GRAP: variants seen among roughly 807,000 people sequenced by gnomAD.
GRAP encodes the protein GRB2 related adaptor protein.
GRAP carries 2 observed loss-of-function variants against 9.1 expected under a neutral mutation model. The observed-to-expected ratio is 0.22, with a 90% CI of 0.09 to 0.69. The LOEUF (loss-of-function observed/expected upper bound fraction) is 0.69. GRAP is among the 30% of genes least tolerant of loss of function. The pLI, the probability that GRAP is intolerant of heterozygous loss-of-function variation, is 0.81. For synonymous variants in GRAP, 68 were observed against 73.6 expected (o/e 0.92, Z 0.39); for missense variants, 113 against 179.4 (o/e 0.63, Z 2.12).
intron 2 of GRAP, among the ~76,000 whole-genome samples, chr17:19,037,701 CG>C (rs1459043927): frequency 1.9e-5 from 1 of 52,912 alleles, no homozygotes; most frequent in Non-Finnish European, 2.6e-5. Flanking sequence ...CCTCATCAGA[CG>C]TGAATTTGCC....
In GRAP at chr17:19,021,986, C is replaced by A; in HGVS notation, c.627G>T (p.Arg209=). 3 of 1,581,094 alleles carry A rather than the reference C, an allele frequency of 1.9e-6. No individual in the cohort carries two copies. In the South Asian group the frequency reaches 3.5e-5, roughly 18 times the overall value. The part of the protein sequence containing the change: ...RSCGRVGFFP[R]SYVQPVHL ...ACAGGTGCACGGGCTGCACGTAACTCCGTGGGAAGAAGCCAACGCGCCCGC... is the reference window on the plus strand; with the variant it reads ...ACAGGTGCACGGGCTGCACGTAACTACGTGGGAAGAAGCCAACGCGCCCGC... The change falls in exon 5 of 5, where the codon CGG becomes CGT. Residue 209 remains arginine (R), a synonymous_variant. Transcript: ENST00000284154. The surrounding 1 kb of genome is among the most constrained non-coding windows in gnomAD (Gnocchi z 4.1).
At position 19,024,705 on chromosome 17, in the gene GRAP, T is replaced by G. The variant is rs540067427; in HGVS notation, c.300-322A>C. On this transcript the variant is annotated intron_variant, in intron 3 of 4. Transcript: ENST00000284154. The surrounding 1 kb of genome is among the most constrained non-coding windows in gnomAD (Gnocchi z 4.2). ...TGATAACATCTCCGTTATGGATAAGTGCACAGTGACTGGCATATTGGCAAC... is the reference window on the plus strand; with the variant it reads ...TGATAACATCTCCGTTATGGATAAGGGCACAGTGACTGGCATATTGGCAAC... Among the ~76,000 whole-genome samples, 2 of 152,186 alleles carry G rather than the reference T, an allele frequency of 1.3e-5. No individual in the cohort carries two copies. The highest frequency in any genetic ancestry group is 2.4e-5 in the African/African-American group (1 of 41,454).
rs565247493 is a variant in GRAP, at chr17:19,024,083, G to A, written c.468+132C>T. On this transcript the variant is annotated intron_variant, in intron 4 of 4. Transcript: ENST00000284154. This position sits in a 1 kb window ranked among gnomAD's most constrained non-coding sequence, Gnocchi z 4.2. ...TATAACTTCGAAGCCTGGGCTGGAC[G>A]CCTCTTGCAATACCAGGCTGCTGGG... The A allele has an allele frequency of 4.2e-3, 3,608 of 850,986 alleles. 15 individuals carry two copies. Among genetic ancestry groups the A allele is most frequent in the Non-Finnish European group, 4.6e-3 (2,495 of 543,556 alleles). 52.7% of individuals were successfully genotyped at this position (850,986 alleles called of 1,614,324 possible). A position where few individuals can be genotyped will look rare whatever the true frequency, so the allele number is the denominator to read the frequency against.
intron 1 of GRAP, among the ~76,000 whole-genome samples, chr17:19,043,553 C>T (rs1398545479): frequency 1.1e-4 from 16 of 152,316 alleles, no homozygotes; most frequent in Non-Finnish European, 2.2e-4. Flanking sequence ...CACTTGAACC[C>T]GGGAGCTGGA....
rs2044270366 is a variant in GRAP at position 19,021,925 on chromosome 17, A to G, written c.*34T>C. Reference sequence around the variant, plus strand: ...CCTCTCTGGACCTCAGTTCCTGTAAAAAGGCCCGTTGGCCAGATCGGCCGC... The same window carrying G: ...CCTCTCTGGACCTCAGTTCCTGTAAGAAGGCCCGTTGGCCAGATCGGCCGC... On this transcript the variant is annotated 3_prime_UTR_variant, in exon 5 of 5. Coordinates refer to ENST00000284154, the MANE Select transcript of GRAP (RefSeq NM_006613.4). The surrounding 1 kb of genome is among the most constrained non-coding windows in gnomAD (Gnocchi z 4.1). 1 of 1,465,386 alleles carries G rather than the reference A, an allele frequency of 6.8e-7. No homozygotes were observed. Among genetic ancestry groups the G allele is most frequent in the Non-Finnish European group, 9.0e-7 (1 of 1,108,736 alleles). 90.8% of individuals were successfully genotyped at this position (1,465,386 alleles called of 1,614,324 possible). A position where few individuals can be genotyped will look rare whatever the true frequency, so the allele number is the denominator to read the frequency against.
chr17:19,021,673 G>T lies in GRAP; in HGVS notation c.*286C>A, dbSNP rs188114963. On this transcript the variant is annotated 3_prime_UTR_variant, in exon 5 of 5. Coordinates refer to ENST00000284154, the MANE Select transcript of GRAP (RefSeq NM_006613.4). This position sits in a 1 kb window ranked among gnomAD's most constrained non-coding sequence, Gnocchi z 4.1. Reference sequence around the variant, plus strand: ...CAGATGGGGCCATTGACAAGAGGAGGTGGGCGGGGCCTCCACAGACTCCGC... The same window carrying T: ...CAGATGGGGCCATTGACAAGAGGAGTTGGGCGGGGCCTCCACAGACTCCGC... The T allele has an allele frequency of 8.0e-5, 32 of 398,088 alleles. No individual in the cohort carries two copies. Among genetic ancestry groups the T allele is most frequent in the African/African-American group, 5.7e-4 (28 of 48,742 alleles). The allele number at this position is 398,088 out of a possible 1,614,324, so 24.7% of individuals were successfully genotyped here.
intron 3 of GRAP, among the ~76,000 whole-genome samples, chr17:19,025,396 C>G (rs1186640793): frequency 1.4e-5 from 2 of 145,994 alleles, no homozygotes; most frequent in South Asian, 2.3e-4. Flanking sequence ...GTTTCACCAT[C>G]TTGGCCAGGA....
At position 19,020,723 on chromosome 17, in the gene GRAP, C is replaced by T; in HGVS notation, c.*1236G>A. 1 of 420,396 alleles carries T rather than the reference C, an allele frequency of 2.4e-6. No homozygotes were observed. The highest frequency in any genetic ancestry group is 2.4e-5 in the South Asian group (1 of 42,530). The allele number at this position is 420,396 out of a possible 1,614,324, so 26.0% of individuals were successfully genotyped here. ...TTTTACTGTTTTCGTTTTGAATACA[C>T]AGGCTGGGTCAGGAGCAGTGAGATT... On this transcript the variant is annotated 3_prime_UTR_variant, in exon 5 of 5. Coordinates refer to ENST00000284154, the MANE Select transcript of GRAP (RefSeq NM_006613.4).
intron 3 of GRAP, among the ~76,000 whole-genome samples, chr17:19,025,131 C>T (rs1010638948): frequency 8.6e-5 from 13 of 151,978 alleles, no homozygotes; most frequent in Non-Finnish European, 1.5e-4. Flanking sequence ...ACCGCCAAAT[C>T]GCCCCGAGTA....
Position 19,024,426 on chromosome 17 carries a change from C to T in GRAP, c.300-43G>A, listed in dbSNP as rs1414660182. ...GGGCCACCTCAGGTGGTGGCCGTCC[C>T]AGCCTGGCATGGTCCCAGGGGCTCC... On this transcript the variant is annotated intron_variant, in intron 3 of 4. Transcript: ENST00000284154. The surrounding 1 kb of genome is among the most constrained non-coding windows in gnomAD (Gnocchi z 4.2). 1 of 1,592,630 alleles carries T rather than the reference C, an allele frequency of 6.3e-7. No homozygotes were observed. Among genetic ancestry groups the T allele is most frequent in the East Asian group, 2.3e-5 (1 of 44,108 alleles).
In GRAP at chr17:19,022,010, G is replaced by A. The variant is rs369064348; in HGVS notation, c.603C>T (p.Cys201=). 59 of 1,595,622 alleles carry A rather than the reference G, an allele frequency of 3.7e-5. No homozygotes were observed. The African/African-American group carries it at 5.8e-4, about 16-fold the overall frequency. ...TCCGTGGGAAGAAGCCAACGCGCCC[G>A]CAGGACCGGCCCCGCCACCAGTGGG... is the stretch of plus-strand genomic sequence containing the variant. ...PDPHWWRGRS[C]GRVGFFPRSY... is the part of the protein sequence containing the mutation. The change falls in exon 5 of 5, where the codon TGC becomes TGT. Residue 201 remains cysteine (C), a synonymous_variant. Coordinates refer to ENST00000284154, the MANE Select transcript of GRAP (RefSeq NM_006613.4).
In GRAP at chr17:19,021,609, C is replaced by T. The variant is rs1445356936; in HGVS notation, c.*350G>A. 2.6e-6 allele frequency: 1 copy of T among 389,684 alleles called. No homozygotes were observed. Among genetic ancestry groups the T allele is most frequent in the Non-Finnish European group, 4.5e-6 (1 of 220,702 alleles). The allele number at this position is 389,684 out of a possible 1,614,324, so 24.1% of individuals were successfully genotyped here. A position where few individuals can be genotyped will look rare whatever the true frequency, so the allele number is the denominator to read the frequency against. On this transcript the variant is annotated 3_prime_UTR_variant, in exon 5 of 5. Coordinates refer to ENST00000284154, the MANE Select transcript of GRAP (RefSeq NM_006613.4). The surrounding 1 kb of genome is among the most constrained non-coding windows in gnomAD (Gnocchi z 4.1). ...ATGGCCAGGGTTCCTTAGGTTGAGC[C>T]TCCAGTGGGTGAAACCTGGGAGTCC...
At chr17:19,027,885 C>CTT (rs1242300155) in intron 3 of GRAP, among the ~76,000 whole-genome samples, 3 of 103,142 alleles carry the variant, frequency 2.9e-5, no homozygotes, top group East Asian at 5.9e-4. Context: ...CCACTTCTCC[C>CTT]TTTTTTTTTT....
intron 3 of GRAP, among the ~76,000 whole-genome samples, chr17:19,025,194 C>CTTTTTT (rs577399592): frequency 2.6e-5 from 3 of 117,560 alleles, no homozygotes; most frequent in Admixed American, 1.7e-4. Context: ...CTTTTCTTTT[C>CTTTTTT]TTTTTTTTTT....
chr17:19,048,390 T>C (rs1597931594), upstream of GRAP, among the ~76,000 whole-genome samples: 2 of 107,064 alleles, frequency 1.9e-5, no homozygotes, highest in African/African-American at 5.5e-5. Context: ...TGGTGTTGCA[T>C]GGACACTGGA....
chr17:19,031,588 A>G (rs2044337983), intron 3 of GRAP: 1 of 134,142 alleles, frequency 7.5e-6, no homozygotes, highest in Non-Finnish European at 1.6e-5. Context: ...GAGCCTTAAT[A>G]TAATTATGAT....
upstream of GRAP, chr17:19,047,623 AC>A (rs553643169): frequency 2.9e-3 from 412 of 144,488 alleles, no homozygotes; most frequent in Non-Finnish European, 4.6e-3. Context: ...TCCATCAAAG[AC>A]CAGCTCAGAA....
At chr17:19,051,053 A>G (rs1462964889), upstream of GRAP, among the ~76,000 whole-genome samples, 8 of 139,312 alleles carry the variant, frequency 5.7e-5, no homozygotes, top group Admixed American at 2.5e-4. Flanking sequence ...AAAAAAAAAA[A>G]AAAGAAAGAA....
intron 3 of GRAP, among the ~76,000 whole-genome samples, chr17:19,027,484 G>GCGCACACACACACACACACA (rs1555583245): frequency 1.6e-5 from 2 of 121,214 alleles, no homozygotes; most frequent in African/African-American, 3.1e-5. Flanking sequence ...GCGCGCGCGC[G>GCGCACACACACACACACACA]CACACACACA....
Sources: allele counts gnomAD v4.1 joint callset (sites outside exome capture counted in the v4.1 genomes callset), GRCh38; gene constraint gnomAD v4.1.1; non-coding constraint Gnocchi (gnomAD v3.1); transcripts MANE v1.5; gene names NCBI Gene and HGNC (gene_info 2026-07-23, HGNC 2026-07-21).